Variants in CNTNAP5 observed in about 807,000 individuals in gnomAD.
The protein encoded by CNTNAP5 is contactin-associated protein-like 5.
Under a neutral mutation model 150.2 loss-of-function variants are expected in CNTNAP5, and 72 were observed. The observed-to-expected ratio is 0.48, with a 90% CI of 0.40 to 0.58. The LOEUF is 0.58. CNTNAP5 is among the 20% of genes least tolerant of loss of function. The pLI, the probability that CNTNAP5 is intolerant of heterozygous loss-of-function variation, is 0.00. For missense variants in CNTNAP5, 1,636 were observed against 1,626.2 expected, an observed-to-expected ratio of 1.01 and a Z score of -0.10; for synonymous variants, 672 against 619.8, an observed-to-expected ratio of 1.08 and a Z score of -1.25.
intron 19 of CNTNAP5, among the ~76,000 whole-genome samples, chr2:124,837,578 G>A (rs1385084872): frequency 2.0e-5 from 3 of 152,112 alleles, no homozygotes; most frequent in South Asian, 4.1e-4. Flanking sequence ...AGGGAAAGGG[G>A]TGGGAGAGTT....
intron 3 of CNTNAP5, among the ~76,000 whole-genome samples, chr2:124,276,981 T>C (rs1376410528): frequency 6.6e-6 from 1 of 152,080 alleles, no homozygotes; most frequent in Admixed American, 6.6e-5. Context: ...TGGGACCACC[T>C]CCTACCTGAA....
chr2:124,602,056 T>C (rs12711683), intron 11 of CNTNAP5, among the ~76,000 whole-genome samples: 84,815 of 151,918 alleles, frequency 0.56, 24,276 homozygotes, highest in African/African-American at 0.6. Flanking sequence ...ATGAAAAAGA[T>C]AAAATCGGCC....
chr2:124,176,892 C>T (rs1685080310), intron 1 of CNTNAP5, among the ~76,000 whole-genome samples: 3 of 130,172 alleles, frequency 2.3e-5, no homozygotes, highest in South Asian at 4.6e-4. Context: ...TTGCCCAGGG[C>T]GGAGTGCAAT....
At chr2:124,872,498 A>G (rs1677772966) in intron 21 of CNTNAP5, among the ~76,000 whole-genome samples, 1 of 147,756 alleles carries the variant, frequency 6.8e-6, no homozygotes, top group Non-Finnish European at 1.5e-5. Context: ...TCTCCTCAAA[A>G]TAAGATTTTT....
chr2:124,548,943 A>G (rs1215274197), intron 10 of CNTNAP5, among the ~76,000 whole-genome samples: 2 of 152,092 alleles, frequency 1.3e-5, no homozygotes, highest in Non-Finnish European at 2.9e-5. Flanking sequence ...GAATCTTGTC[A>G]CCTCTGAAGG....
intron 16 of CNTNAP5, among the ~76,000 whole-genome samples, chr2:124,767,544 C>T (rs1316467169): frequency 6.6e-6 from 1 of 152,080 alleles, no homozygotes; most frequent in Non-Finnish European, 1.5e-5. Flanking sequence ...TAGACTAGAA[C>T]CCAATGTGGA....
chr2:124,722,598 G>T (rs1680070618), intron 13 of CNTNAP5, among the ~76,000 whole-genome samples: 1 of 152,042 alleles, frequency 6.6e-6, no homozygotes, highest in Non-Finnish European at 1.5e-5. Flanking sequence ...TATATTCAAG[G>T]CCCACTGAAG....
intron 3 of CNTNAP5, among the ~76,000 whole-genome samples, chr2:124,335,694 C>T (rs1228987545): frequency 6.6e-6 from 1 of 151,538 alleles, no homozygotes; most frequent in Non-Finnish European, 1.5e-5. Context: ...ACCACTCACT[C>T]AACTGGATTT....
At chr2:124,873,090 TAAG>T (rs1261727717) in intron 21 of CNTNAP5, among the ~76,000 whole-genome samples, 1 of 152,100 alleles carries the variant, frequency 6.6e-6, no homozygotes. Context: ...ACAAGCTGTA[TAAG>T]AAGGATGATG....
intron 1 of CNTNAP5, among the ~76,000 whole-genome samples, chr2:124,165,212 C>A (rs1320355569): frequency 6.6e-6 from 1 of 152,116 alleles, no homozygotes; most frequent in East Asian, 1.9e-4. Context: ...TGAGTCAGAC[C>A]AGGATTTGAA....
At chr2:124,578,111 A>G (rs989408887) in intron 11 of CNTNAP5, among the ~76,000 whole-genome samples, 6 of 146,412 alleles carry the variant, frequency 4.1e-5, no homozygotes, top group African/African-American at 1.5e-4. Flanking sequence ...GGAGTTCGAG[A>G]CCAGCCTGGC....
chr2:124,670,862 C>T (rs935801058), intron 13 of CNTNAP5, among the ~76,000 whole-genome samples: 2 of 152,112 alleles, frequency 1.3e-5, no homozygotes, highest in African/African-American at 2.4e-5. Context: ...CAAACCTGGG[C>T]CCCTTTTTTC....
rs569329358 is a variant in CNTNAP5, at chr2:124,619,220, T to C, written c.1876+9300T>C. 5.3e-5 allele frequency among the ~76,000 whole-genome samples: 8 copies of C among 152,116 alleles called. No individual in the cohort carries two copies. The South Asian group carries it at 1.5e-3, about 28-fold the overall frequency. ...TTGGGTCGGTAGGGAAAGATGCATT[T>C]GAGACAACCAGGAGTCCACTGGGGA... On this transcript the variant is annotated intron_variant, in intron 12 of 23. Coordinates refer to ENST00000682447, the MANE Select transcript of CNTNAP5 (RefSeq NM_001367498.1).
intron 9 of CNTNAP5, among the ~76,000 whole-genome samples, chr2:124,527,055 A>G (rs74912063): frequency 0.019 from 2,918 of 152,288 alleles, 42 homozygotes; most frequent in Non-Finnish European, 0.027. Flanking sequence ...CAGTATTGGT[A>G]TTCCCTTTGC....
chr2:124,191,883 A>G (rs1412526512), intron 1 of CNTNAP5, among the ~76,000 whole-genome samples: 1 of 151,804 alleles, frequency 6.6e-6, no homozygotes, highest in Non-Finnish European at 1.5e-5. Flanking sequence ...TGGGCAACAG[A>G]GCGAGACTCC....
At chr2:124,709,214 A>T (rs1679755580) in intron 13 of CNTNAP5, among the ~76,000 whole-genome samples, 1 of 141,710 alleles carries the variant, frequency 7.1e-6, no homozygotes, top group African/African-American at 2.6e-5. Context: ...TGGGGGAGGG[A>T]GGGTGTGTGT....
rs932878567 is a variant in CNTNAP5, at chr2:124,031,078, C to A, written c.82+5346C>A. Among the ~76,000 whole-genome samples, 7 of 105,282 alleles carry A rather than the reference C, an allele frequency of 6.6e-5. No homozygotes were observed. In the South Asian group the frequency reaches 1.7e-3, roughly 25 times the overall value. 69.1% of individuals were successfully genotyped at this position (105,282 alleles called of 152,430 possible). ...ATCTTGCATTTATTTTCATAGACTG[C>A]CTGCTTGGTCTAGAATACCCTTTTT... On this transcript the variant is annotated intron_variant, in intron 1 of 23. Coordinates refer to ENST00000682447, the MANE Select transcript of CNTNAP5 (RefSeq NM_001367498.1).
chr2:124,585,864 C>A (rs1284264741), intron 11 of CNTNAP5, among the ~76,000 whole-genome samples: 1 of 151,998 alleles, frequency 6.6e-6, no homozygotes, highest in East Asian at 1.9e-4. Flanking sequence ...TTAATTAAAA[C>A]CTCCTTGGCT....
chr2:124,392,726 G>A (rs5008420), intron 3 of CNTNAP5, among the ~76,000 whole-genome samples: 13,623 of 143,142 alleles, frequency 0.095, 1,052 homozygotes, highest in African/African-American at 0.2. Flanking sequence ...AGAAGGAGGG[G>A]AGGAAAAAAA....
Sources: allele counts gnomAD v4.1 joint callset (sites outside exome capture counted in the v4.1 genomes callset), GRCh38; gene constraint gnomAD v4.1.1; transcripts MANE v1.5; gene names NCBI Gene and HGNC (gene_info 2026-07-23, HGNC 2026-07-21).